MAPKAP1: variants seen among roughly 807,000 people sequenced by gnomAD.
The protein encoded by MAPKAP1 is MAPK associated protein 1, also known as target of rapamycin complex 2 subunit MAPKAP1.
MAPKAP1 carries 20 observed loss-of-function variants against 65.7 expected under a neutral mutation model. That is an observed-to-expected ratio of 0.30 (90% confidence interval 0.21 to 0.44). The LOEUF (loss-of-function observed/expected upper bound fraction) is 0.44. MAPKAP1 is among the 20% of genes least tolerant of loss of function. MAPKAP1 has a pLI of 1.00. For synonymous variants in MAPKAP1, 222 were observed against 244.3 expected, an observed-to-expected ratio of 0.91 and a Z score of 0.85; for missense variants, 423 against 648.0, an observed-to-expected ratio of 0.65 and a Z score of 3.77.
intron 7 of MAPKAP1, among the ~76,000 whole-genome samples, chr9:125,522,019 A>G (rs747097418): frequency 6.6e-6 from 1 of 152,230 alleles, no homozygotes; most frequent in Non-Finnish European, 1.5e-5. Context: ...CGGATAATAC[A>G]GTAGTTGTAT....
chr9:125,602,202 G>A (rs529912858), intron 4 of MAPKAP1, among the ~76,000 whole-genome samples: 2 of 152,290 alleles, frequency 1.3e-5, no homozygotes, highest in African/African-American at 2.4e-5. Context: ...ACAATGAGCC[G>A]TGATCACACC....
At chr9:125,671,648 A>C (rs930166927) in intron 2 of MAPKAP1, among the ~76,000 whole-genome samples, 4 of 152,206 alleles carry the variant, frequency 2.6e-5, no homozygotes, top group African/African-American at 9.6e-5. Flanking sequence ...CCAAAAAAAT[A>C]TAAGTGGGAA....
At chr9:125,462,134 G>A (rs1346048858) in intron 10 of MAPKAP1, among the ~76,000 whole-genome samples, 2 of 152,344 alleles carry the variant, frequency 1.3e-5, no homozygotes, top group South Asian at 4.1e-4. Context: ...GCACATGCGT[G>A]TGTTCTCTGC....
At chr9:125,557,921 A>G (rs572090993) in intron 6 of MAPKAP1, among the ~76,000 whole-genome samples, 2 of 152,268 alleles carry the variant, frequency 1.3e-5, no homozygotes, top group South Asian at 4.1e-4. Flanking sequence ...CAATGGCGCG[A>G]TCTCAGCTAA....
At chr9:125,654,021 G>C (rs1026925370) in intron 4 of MAPKAP1, among the ~76,000 whole-genome samples, 1 of 152,214 alleles carries the variant, frequency 6.6e-6, no homozygotes, top group Non-Finnish European at 1.5e-5. Context: ...TCTCAAGAAA[G>C]TGATATGGCA....
rs554277845 is a variant in MAPKAP1 at position 125,516,291 on chromosome 9, C to T, written c.959-9874G>A. 6.6e-5 allele frequency among the ~76,000 whole-genome samples: 10 copies of T among 152,296 alleles called. No individual in the cohort carries two copies. In the South Asian group the frequency reaches 2.1e-3, roughly 32 times the overall value. On this transcript the variant is annotated intron_variant, in intron 7 of 11. Coordinates refer to ENST00000265960, the MANE Select transcript of MAPKAP1 (RefSeq NM_001006617.3). Reference sequence around the variant, plus strand: ...AAAACCACTTTCACACAGCAGTCTTCAAGTCGACAGAAAGCTTGCACTAGA... The same window carrying T: ...AAAACCACTTTCACACAGCAGTCTTTAAGTCGACAGAAAGCTTGCACTAGA...
At chr9:125,664,736 A>AAAAAAAGG (rs1834290970) in intron 3 of MAPKAP1, among the ~76,000 whole-genome samples, 1 of 150,916 alleles carries the variant, frequency 6.6e-6, no homozygotes. Context: ...AAAAAAAAAA[A>AAAAAAAGG]AAAAGGAAAA....
At chr9:125,469,404 A>C (rs775742507) in intron 9 of MAPKAP1, among the ~76,000 whole-genome samples, 48 of 152,238 alleles carry the variant, frequency 3.2e-4, no homozygotes, top group Admixed American at 1.4e-3. Context: ...CAGCAAATTT[A>C]AAATTAAAAA....
At chr9:125,579,717 A>G (rs1278016919) in intron 5 of MAPKAP1, among the ~76,000 whole-genome samples, 1 of 152,212 alleles carries the variant, frequency 6.6e-6, no homozygotes, top group East Asian at 1.9e-4. Flanking sequence ...AACCCACTGG[A>G]AAAGACCAAA....
intron 8 of MAPKAP1, among the ~76,000 whole-genome samples, chr9:125,495,632 C>T (rs747860250): frequency 5.9e-5 from 9 of 152,102 alleles, no homozygotes; most frequent in African/African-American, 9.7e-5. Context: ...AATGATAAAA[C>T]GGAAACGGGG....
chr9:125,655,472 G>A (rs1834003554), intron 4 of MAPKAP1, among the ~76,000 whole-genome samples: 1 of 152,126 alleles, frequency 6.6e-6, no homozygotes, highest in African/African-American at 2.4e-5. Context: ...TCATTTTGAG[G>A]TGTTATTTGA....
chr9:125,472,845 T>C (rs940504910), intron 9 of MAPKAP1, among the ~76,000 whole-genome samples: 5 of 152,254 alleles, frequency 3.3e-5, no homozygotes, highest in Non-Finnish European at 7.3e-5. Context: ...TGGCCAACTC[T>C]GGTTAGTAGA....
intron 1 of MAPKAP1, chr9:125,696,422 CAAA>C (rs150347319): frequency 1.5e-5 from 2 of 135,482 alleles, no homozygotes; most frequent in African/African-American, 5.4e-5. Flanking sequence ...GAAAAAAAAA[CAAA>C]AAAAAAACAA....
At chr9:125,527,875 C>A (rs1829819238) in intron 7 of MAPKAP1, among the ~76,000 whole-genome samples, 1 of 152,198 alleles carries the variant, frequency 6.6e-6, no homozygotes, top group African/African-American at 2.4e-5. Context: ...AACACATTTA[C>A]ATTTTCATTT....
At chr9:125,694,526 TA>T (rs1835326760) in intron 1 of MAPKAP1, among the ~76,000 whole-genome samples, 1 of 152,036 alleles carries the variant, frequency 6.6e-6, no homozygotes, top group African/African-American at 2.4e-5. Context: ...TTTCCTTAAC[TA>T]AAAAAAGGCA....
chr9:125,669,919 A>G lies in MAPKAP1; in HGVS notation c.260-12T>C, dbSNP rs1554840485. 4 of 1,480,572 alleles carry G rather than the reference A, an allele frequency of 2.7e-6. No individual in the cohort carries two copies. The East Asian group carries it at 9.3e-5, about 34-fold the overall frequency. 91.7% of individuals were successfully genotyped at this position (1,480,572 alleles called of 1,614,324 possible). ...TTCTAATCTTTGAGCTTGAAAAGAA[A>G]TATTATAACTGTAAGTTTGTCAATG... On this transcript the variant is annotated splice_polypyrimidine_tract_variant and intron_variant, in intron 2 of 11. Coordinates refer to ENST00000265960, the MANE Select transcript of MAPKAP1 (RefSeq NM_001006617.3).
chr9:125,579,973 T>G (rs1221249782), intron 5 of MAPKAP1, among the ~76,000 whole-genome samples: 3 of 152,204 alleles, frequency 2.0e-5, no homozygotes, highest in Non-Finnish European at 4.4e-5. Context: ...TAGTCCAATA[T>G]CAACACCAGG....
At chr9:125,674,928 A>T (rs1171003762) in intron 1 of MAPKAP1, among the ~76,000 whole-genome samples, 3 of 152,128 alleles carry the variant, frequency 2.0e-5, no homozygotes, top group Non-Finnish European at 4.4e-5. Context: ...TGGTCCCTGA[A>T]GTATTAGTGT....
At chr9:125,576,804 G>C (rs1432196955) in intron 5 of MAPKAP1, among the ~76,000 whole-genome samples, 1 of 152,232 alleles carries the variant, frequency 6.6e-6, no homozygotes, top group Non-Finnish European at 1.5e-5. Flanking sequence ...TGCAGACGGA[G>C]TCTCGTTCAC....
Sources: allele counts gnomAD v4.1 joint callset (sites outside exome capture counted in the v4.1 genomes callset), GRCh38; gene constraint gnomAD v4.1.1; transcripts MANE v1.5; gene names NCBI Gene and HGNC (gene_info 2026-07-23, HGNC 2026-07-21).